PTPRD: variants seen among roughly 807,000 people sequenced by gnomAD.
PTPRD encodes the protein receptor-type tyrosine-protein phosphatase delta.
Under a neutral mutation model 214.5 loss-of-function variants are expected in PTPRD, and 34 were observed. That is an observed-to-expected ratio of 0.16 (90% CI 0.12 to 0.21). The LOEUF is 0.21. PTPRD is among the 10% of genes least tolerant of loss of function. The pLI is 1.00. For missense variants in PTPRD, 2,545 were observed against 2,398.7 expected, an observed-to-expected ratio of 1.06 and a Z score of -1.27; for synonymous variants, 1,128 against 845.7, an observed-to-expected ratio of 1.33 and a Z score of -5.79.
intron 8 of PTPRD, among the ~76,000 whole-genome samples, chr9:9,400,398 C>T (rs897411975): frequency 1.3e-5 from 2 of 150,960 alleles, no homozygotes; most frequent in Admixed American, 1.3e-4. Context: ...AGGAGATTTT[C>T]TTTCACATGA....
chr9:8,339,591 G>C (rs1456323995), intron 42 of PTPRD, among the ~76,000 whole-genome samples: 5 of 152,106 alleles, frequency 3.3e-5, no homozygotes, highest in African/African-American at 9.7e-5. Flanking sequence ...ATCAGAGTAA[G>C]TCAGTTACTT....
chr9:10,206,786 G>C (rs912961431), intron 3 of PTPRD, among the ~76,000 whole-genome samples: 1 of 152,144 alleles, frequency 6.6e-6, no homozygotes, highest in Non-Finnish European at 1.5e-5. Flanking sequence ...TGGACACACA[G>C]ACTTATAAAT....
intron 5 of PTPRD, among the ~76,000 whole-genome samples, chr9:9,846,998 G>C (rs569677472): frequency 3.0e-4 from 46 of 152,000 alleles, no homozygotes; most frequent in African/African-American, 1.0e-3. Flanking sequence ...TTTTGAGTAT[G>C]CCAGAAAAAA....
At chr9:9,987,225 T>A (rs528335407) in intron 4 of PTPRD, among the ~76,000 whole-genome samples, 1 of 152,236 alleles carries the variant, frequency 6.6e-6, no homozygotes, top group East Asian at 1.9e-4. Flanking sequence ...TCCAACCCAG[T>A]TTTTACATAT....
At chr9:8,472,736 C>G (rs2096679487) in intron 30 of PTPRD, among the ~76,000 whole-genome samples, 1 of 151,946 alleles carries the variant, frequency 6.6e-6, no homozygotes, top group African/African-American at 2.4e-5. Context: ...ATTAATTTCA[C>G]CTGCTTTTTA....
intron 3 of PTPRD, among the ~76,000 whole-genome samples, chr9:10,258,285 C>T (rs1344566956): frequency 1.2e-4 from 18 of 149,100 alleles, no homozygotes; most frequent in Non-Finnish European, 1.0e-4. Flanking sequence ...TCTACTTCCC[C>T]GTGCATGGTC....
At chr9:9,005,079 C>A (rs530612263) in intron 11 of PTPRD, among the ~76,000 whole-genome samples, 1 of 151,990 alleles carries the variant, frequency 6.6e-6, no homozygotes, top group African/African-American at 2.4e-5. Flanking sequence ...TTTGAATGGA[C>A]CTTCAGGGGA....
At chr9:8,851,020 T>A (rs1209659530) in intron 11 of PTPRD, among the ~76,000 whole-genome samples, 1 of 152,142 alleles carries the variant, frequency 6.6e-6, no homozygotes, top group East Asian at 1.9e-4. Context: ...CTGGTGAATC[T>A]TAGGGAGACA....
At chr9:10,099,411 A>C (rs2098529246) in intron 3 of PTPRD, among the ~76,000 whole-genome samples, 1 of 151,790 alleles carries the variant, frequency 6.6e-6, no homozygotes, top group African/African-American at 2.4e-5. Flanking sequence ...AGGAATAAAA[A>C]TTAAATACTG....
chr9:9,336,539 A>C (rs1289798785), intron 9 of PTPRD, among the ~76,000 whole-genome samples: 1 of 152,104 alleles, frequency 6.6e-6, no homozygotes, highest in Non-Finnish European at 1.5e-5. Context: ...TAAATGATAA[A>C]GTTCATTATT....
At chr9:10,148,505 A>C (rs2099039274) in intron 3 of PTPRD, among the ~76,000 whole-genome samples, 1 of 152,208 alleles carries the variant, frequency 6.6e-6, no homozygotes, top group South Asian at 2.1e-4. Flanking sequence ...GCATCACAGT[A>C]TGCTATGTAT....
At chr9:10,147,520 TC>T (rs1031142293) in intron 3 of PTPRD, among the ~76,000 whole-genome samples, 3 of 152,098 alleles carry the variant, frequency 2.0e-5, no homozygotes, top group Admixed American at 2.0e-4. Flanking sequence ...ACTCCACTAG[TC>T]AAAATTTAAT....
At chr9:10,331,024 C>A (rs1172758300) in intron 3 of PTPRD, among the ~76,000 whole-genome samples, 1 of 151,812 alleles carries the variant, frequency 6.6e-6, no homozygotes, top group African/African-American at 2.4e-5. Flanking sequence ...CTCTACTTCA[C>A]AATCATTCTT....
chr9:9,830,128 A>G (rs1431856676), intron 5 of PTPRD, among the ~76,000 whole-genome samples: 7 of 151,750 alleles, frequency 4.6e-5, no homozygotes, highest in African/African-American at 1.7e-4. Flanking sequence ...AAATTCATAT[A>G]TATCTTTTTA....
chr9:9,369,617 A>C (rs542199781), intron 9 of PTPRD, among the ~76,000 whole-genome samples: 7 of 152,192 alleles, frequency 4.6e-5, no homozygotes, highest in African/African-American at 7.2e-5. Context: ...TAGTTTAATT[A>C]GATCCCATTT....
At chr9:8,390,168 C>T (rs1363142171) in intron 36 of PTPRD, among the ~76,000 whole-genome samples, 1 of 152,174 alleles carries the variant, frequency 6.6e-6, no homozygotes, top group African/African-American at 2.4e-5. Context: ...CTCCATCTAA[C>T]ATGAGAGCAG....
At chr9:9,130,462 A>T (rs1216307709) in intron 10 of PTPRD, among the ~76,000 whole-genome samples, 2 of 152,218 alleles carry the variant, frequency 1.3e-5, no homozygotes, top group Non-Finnish European at 2.9e-5. Flanking sequence ...AATAGTCTAC[A>T]ACTTGTGTAA....
At chr9:9,905,382 T>G (rs1566166405) in intron 5 of PTPRD, among the ~76,000 whole-genome samples, 2 of 151,892 alleles carry the variant, frequency 1.3e-5, no homozygotes, top group African/African-American at 4.8e-5. Context: ...AAAGAGCATA[T>G]AAAATACATT....
At chr9:10,101,030 A>C (rs990136338) in intron 3 of PTPRD, among the ~76,000 whole-genome samples, 6 of 151,660 alleles carry the variant, frequency 4.0e-5, no homozygotes, top group African/African-American at 1.5e-4. Flanking sequence ...AAATATTCCA[A>C]AGTTTATTTG....
Sources: allele counts gnomAD v4.1 joint callset (sites outside exome capture counted in the v4.1 genomes callset), GRCh38; gene constraint gnomAD v4.1.1; transcripts MANE v1.5; gene names NCBI Gene and HGNC (gene_info 2026-07-23, HGNC 2026-07-21).